CHRNA6: variants seen among roughly 807,000 people sequenced by gnomAD.
CHRNA6 encodes the protein neuronal acetylcholine receptor subunit alpha-6.
Under a neutral mutation model 40.9 loss-of-function variants are expected in CHRNA6, and 31 were observed. The observed-to-expected ratio is 0.76, with a 90% CI of 0.57 to 1.02. The LOEUF (loss-of-function observed/expected upper bound fraction) is 1.02. Among genes scored for constraint, CHRNA6 ranks in the 50% least tolerant of loss-of-function variants. The pLI is 0.00. For missense variants in CHRNA6, 546 were observed against 596.6 expected, an observed-to-expected ratio of 0.92 and a Z score of 0.88; for synonymous variants, 222 against 221.3, an observed-to-expected ratio of 1.00 and a Z score of -0.03.
chr8:42,765,382 C>T (rs543071201), intron 1 of CHRNA6, among the ~76,000 whole-genome samples, 178 bp from the exon 2 acceptor site: 20 of 152,342 alleles, frequency 1.3e-4, no homozygotes, highest in African/African-American at 4.6e-4. Flanking sequence ...ACCCTCTGTG[C>T]CTCAGCTGTT....
intron 2 of CHRNA6, among the ~76,000 whole-genome samples, chr8:42,760,145 G>A (rs1313491562): frequency 6.6e-6 from 1 of 152,174 alleles, no homozygotes; most frequent in Non-Finnish European, 1.5e-5. Flanking sequence ...ACATAAGACA[G>A]CGTTAAGTCC....
At chr8:42,753,771 G>A (rs1043785619) in intron 5 of CHRNA6, among the ~76,000 whole-genome samples, 1 of 152,178 alleles carries the variant, frequency 6.6e-6, no homozygotes, top group Non-Finnish European at 1.5e-5. Context: ...CGTTTGCAGA[G>A]GGCAGATGCA....
chr8:42,756,623 T>A lies in CHRNA6; in HGVS notation c.576A>T (p.Gly192=). 1 of 1,614,162 alleles carries A rather than the reference T, an allele frequency of 6.2e-7. No homozygotes were observed. The highest frequency in any genetic ancestry group is 8.5e-7 in the Non-Finnish European group (1 of 1,180,022). ...DKAEIDLLII[G]SKVDMNDFWE... is the part of the protein sequence containing the mutation. ...AAAAATCATTCATATCCACTTTTGA[T>A]CCAATGATTAGAAGATCAATTTCAG... Residue 192 remains glycine (G), a synonymous_variant, in exon 5 of 6, where the codon GGA becomes GGT. Coordinates refer to ENST00000276410, the MANE Select transcript of CHRNA6 (RefSeq NM_004198.3).
intron 5 of CHRNA6, 89 bp from the exon 6 acceptor site, chr8:42,753,399 TGAA>T (rs1480884412): frequency 9.7e-6 from 12 of 1,239,482 alleles, no homozygotes; most frequent in South Asian, 5.2e-5. Context: ...GCTTCTTTTT[TGAA>T]GAAGATTTCT....
intron 5 of CHRNA6, among the ~76,000 whole-genome samples, chr8:42,755,147 T>C (rs1055031289): frequency 6.7e-6 from 1 of 149,600 alleles, no homozygotes; most frequent in African/African-American, 2.5e-5. Context: ...GCCCCTTGAG[T>C]GGCTGGGACT....
In CHRNA6 at chr8:42,756,615, A is replaced by G; in HGVS notation, c.584T>C (p.Val195Ala). The change falls in exon 5 of 6, where the codon GTG (valine) becomes GCG (alanine). Residue 195 changes from valine (V) to alanine (A), a missense_variant. Val to Ala is a moderately conservative substitution (Grantham distance 64). Transcript: ENST00000276410. ...GTTTTCCCAAAAATCATTCATATCC[A>G]CTTTTGATCCAATGATTAGAAGATC... ...EIDLLIIGSK[V>A]DMNDFWENSE... 1 of 1,614,094 alleles carries G rather than the reference A, an allele frequency of 6.2e-7. No homozygotes were observed. Among genetic ancestry groups the G allele is most frequent in the South Asian group, 1.1e-5 (1 of 91,066 alleles).
rs1816796041 is a variant in CHRNA6 at position 42,756,188 on chromosome 8, C to T, written c.1011G>A (p.Met337Ile). The stretch of plus-strand genomic sequence containing the variant: ...GGAAAACTGTCTTCACCCACCTGGG[C>T]ATTGTGTGCGTGGTTGGGGTGCGGT... ...IHYRTPTTHT[M>I]PRWVKTVFLK... Residue 337 changes from methionine (M) to isoleucine (I), a missense_variant, in exon 5 of 6, where the codon ATG becomes ATA. Met to Ile is a conservative substitution (Grantham distance 10, BLOSUM62 1). Transcript: ENST00000276410. The T allele has an allele frequency of 6.2e-7, 1 of 1,614,104 alleles. No homozygotes were observed.
At chr8:42,760,963 CT>C (rs1816896602) in intron 2 of CHRNA6, among the ~76,000 whole-genome samples, 1 of 152,182 alleles carries the variant, frequency 6.6e-6, no homozygotes, top group South Asian at 2.1e-4. Context: ...CTCAGCCAAC[CT>C]TGCTTCCCAA....
rs771365326 is a variant in CHRNA6 at position 42,760,628 on chromosome 8, ACACT to A, written c.220-1519_220-1516del. On this transcript the variant is annotated intron_variant, in intron 2 of 5. Transcript: ENST00000276410. ...CACACTCAAACACACTCATGCACAC[ACACT>A]CACAGTCATGCACACACACGCTAGC... 1.1e-4 allele frequency among the ~76,000 whole-genome samples: 16 copies of A among 152,254 alleles called. No individual in the cohort carries two copies. In the East Asian group the frequency reaches 1.4e-3, roughly 13 times the overall value.
chr8:42,767,780 AC>A (rs1198664896), intron 1 of CHRNA6, among the ~76,000 whole-genome samples: 2 of 152,182 alleles, frequency 1.3e-5, no homozygotes, highest in East Asian at 3.9e-4. Context: ...TAGCAGATAA[AC>A]CCTCCATCAG....
chr8:42,759,933 G>A lies in CHRNA6; in HGVS notation c.220-820C>T, dbSNP rs922178400. ...AAAAAAAGTCAGCCTTGGCCACCATGGGGTTTCCAGCTGGCAGCTGCTACT... is the reference window on the plus strand; with the variant it reads ...AAAAAAAGTCAGCCTTGGCCACCATAGGGTTTCCAGCTGGCAGCTGCTACT... On this transcript the variant is annotated intron_variant, in intron 2 of 5. Coordinates refer to ENST00000276410, the MANE Select transcript of CHRNA6 (RefSeq NM_004198.3). 2.8e-4 allele frequency among the ~76,000 whole-genome samples: 43 copies of A among 151,058 alleles called. 1 individual carries two copies. The highest frequency in any genetic ancestry group is 4.7e-4 in the Non-Finnish European group (32 of 67,844).
intron 2 of CHRNA6, chr8:42,759,320 A>T: frequency 3.6e-6 from 2 of 550,732 alleles, no homozygotes; most frequent in Non-Finnish European, 6.6e-6. Context: ...TTTGAGAGGC[A>T]ATGTGGCTTT....
Position 42,753,044 on chromosome 8 carries a change from C to A in CHRNA6, c.*135G>T, listed in dbSNP as rs1327356554. The A allele has an allele frequency of 1.3e-6, 1 of 748,744 alleles. No homozygotes were observed. The highest frequency in any genetic ancestry group is 2.1e-6 in the Non-Finnish European group (1 of 467,300). The allele number at this position is 748,744 out of a possible 1,614,324, so 46.4% of individuals were successfully genotyped here. A position where few individuals can be genotyped will look rare whatever the true frequency, so the allele number is the denominator to read the frequency against. The stretch of plus-strand genomic sequence containing the variant: ...CTGCTTCCTAATGTGCAAGAAAGTC[C>A]TCTTTTTCCATGTAGCCATCAGTTT... On this transcript the variant is annotated 3_prime_UTR_variant, in exon 6 of 6. Coordinates refer to ENST00000276410, the MANE Select transcript of CHRNA6 (RefSeq NM_004198.3).
chr8:42,765,354 C>T, intron 1 of CHRNA6, 150 bp from the exon 2 acceptor site: 1 of 765,278 alleles, frequency 1.3e-6, no homozygotes, highest in Non-Finnish European at 2.1e-6. Context: ...CGTGCTCCAC[C>T]AGTGCCCATC....
At chr8:42,761,223 G>A (rs1816899754) in intron 2 of CHRNA6, among the ~76,000 whole-genome samples, 1 of 152,238 alleles carries the variant, frequency 6.6e-6, no homozygotes, top group Non-Finnish European at 1.5e-5. Flanking sequence ...AGGAGTTACA[G>A]TCATGGGTTC....
chr8:42,766,564 A>G (rs1051118027), intron 1 of CHRNA6, among the ~76,000 whole-genome samples: 8 of 152,198 alleles, frequency 5.3e-5, no homozygotes, highest in Admixed American at 3.9e-4. Context: ...AACCATAAAA[A>G]TGAACAAGAT....
chr8:42,766,804 A>G (rs1033696674), intron 1 of CHRNA6, among the ~76,000 whole-genome samples: 2 of 152,192 alleles, frequency 1.3e-5, no homozygotes, highest in African/African-American at 4.8e-5. Flanking sequence ...TACCTAGGTG[A>G]TGGGTTGATC....
chr8:42,760,335 T>C (rs1216331711), intron 2 of CHRNA6, among the ~76,000 whole-genome samples: 2 of 149,884 alleles, frequency 1.3e-5, no homozygotes, highest in African/African-American at 5.0e-5. Context: ...CTCACACTCA[T>C]GCGCACACAC....
rs1816745506 is a variant in CHRNA6, at chr8:42,753,139, A to G, written c.*40T>C. The G allele has an allele frequency of 6.4e-7, 1 of 1,567,692 alleles. No homozygotes were observed. The highest frequency in any genetic ancestry group is 1.4e-5 in the African/African-American group (1 of 72,706). ...TTGTGGCAGGGAATGCAGAACAAAT[A>G]TGGTGTCTGTAAATTTCTGAACATA... On this transcript the variant is annotated 3_prime_UTR_variant, in exon 6 of 6. Coordinates refer to ENST00000276410, the MANE Select transcript of CHRNA6 (RefSeq NM_004198.3).
Sources: gnomAD v4.1 joint callset for allele counts (sites outside exome capture counted in the v4.1 genomes callset) on GRCh38, gnomAD v4.1.1 for gene constraint, MANE v1.5 for transcripts, NCBI Gene and HGNC (gene_info 2026-07-23, HGNC 2026-07-21) for gene names.